Variants in GPHN observed in about 807,000 individuals in gnomAD.
The protein encoded by GPHN is gephyrin.
A neutral mutation model predicts 95.5 loss-of-function variants in GPHN; 17 were observed. The ratio of observed to expected loss-of-function variants is 0.18; its 90% CI spans 0.12 to 0.27. The LOEUF (loss-of-function observed/expected upper bound fraction) is 0.27, where lower values mean the gene tolerates loss of function less well. GPHN is among the 10% of genes least tolerant of loss of function. The pLI, the probability that GPHN is intolerant of heterozygous loss-of-function variation, is 1.00. For missense variants in GPHN, 660 were observed against 978.1 expected (o/e 0.67, Z 4.34); for synonymous variants, 320 against 322.5 (o/e 0.99, Z 0.08).
intron 2 of GPHN, among the ~76,000 whole-genome samples, chr14:66,746,248 C>A (rs1301696305): frequency 6.6e-6 from 1 of 152,076 alleles, no homozygotes; most frequent in Non-Finnish European, 1.5e-5. Context: ...TTATAAAAAC[C>A]CGCCAAACTG....
intron 1 of GPHN, among the ~76,000 whole-genome samples, chr14:66,677,430 A>G (rs1218982344): frequency 6.6e-6 from 1 of 152,058 alleles, no homozygotes; most frequent in Non-Finnish European, 1.5e-5. Context: ...TTCTCAGTAC[A>G]CTATAAGTTT....
At chr14:67,370,318 GC>G in the GPHN span, among the ~76,000 whole-genome samples, 1 of 152,218 alleles carries the variant, frequency 6.6e-6, no homozygotes, top group Non-Finnish European at 1.5e-5. Context: ...ATTTTAGGGG[GC>G]TTTCTCCCAA....
the GPHN span, chr14:67,392,608 G>A: frequency 6.6e-6 from 10 of 1,514,330 alleles, no homozygotes; most frequent in Non-Finnish European, 9.1e-6. Context: ...CCATTCTGTT[G>A]TGTCTTCCTT....
chr14:66,544,596 T>A (rs530376946), intron 1 of GPHN, among the ~76,000 whole-genome samples: 2,412 of 151,628 alleles, frequency 0.016, 27 homozygotes, highest in Non-Finnish European at 0.022. Context: ...TTTTTTAATT[T>A]ATTTATTTTT....
intron 18 of GPHN, among the ~76,000 whole-genome samples, chr14:67,156,914 G>A (rs376510233): frequency 2.0e-4 from 30 of 151,604 alleles, no homozygotes; most frequent in African/African-American, 6.0e-4. Context: ...GGTTGCCAAC[G>A]TGAGCCGAGA....
At chr14:66,785,251 C>T (rs1199837463) in intron 3 of GPHN, among the ~76,000 whole-genome samples, 1 of 152,096 alleles carries the variant, frequency 6.6e-6, no homozygotes, top group African/African-American at 2.4e-5. Flanking sequence ...CTGTAGTCCC[C>T]ACGACTCAGG....
Position 67,026,607 on chromosome 14 carries a change from A to T in GPHN, c.1006+2932A>T, listed in dbSNP as rs908742167. 4.8e-4 allele frequency among the ~76,000 whole-genome samples: 73 copies of T among 152,140 alleles called. 1 individual carries two copies. The highest frequency in any genetic ancestry group is 1.7e-3 in the African/African-American group (72 of 41,434). On this transcript the variant is annotated intron_variant, in intron 10 of 22. Coordinates refer to ENST00000478722, the MANE Select transcript of GPHN (RefSeq NM_020806.5). ...GTATATGAGTTGAAGCCAGTATTTC[A>T]GACCTTGATTTTATAGCCCACATTT...
chr14:66,525,930 G>C (rs28822755), intron 1 of GPHN, among the ~76,000 whole-genome samples: 4,423 of 152,020 alleles, frequency 0.029, 196 homozygotes, highest in African/African-American at 0.1. Context: ...GATGCCTCCA[G>C]CTTTGTTCTT....
chr14:67,562,779 C>A, the GPHN span: 17 of 1,613,626 alleles, frequency 1.1e-5, no homozygotes, highest in African/African-American at 2.1e-4. Flanking sequence ...GAGGAGCCAC[C>A]CCCAGCAGGG....
chr14:67,293,039 A>G, the GPHN span, among the ~76,000 whole-genome samples: 3 of 152,150 alleles, frequency 2.0e-5, no homozygotes, highest in South Asian at 6.2e-4. Context: ...TTTAAGCATT[A>G]TACATTATAA....
chr14:67,078,553 T>A (rs2076579683), intron 11 of GPHN, among the ~76,000 whole-genome samples: 1 of 152,148 alleles, frequency 6.6e-6, no homozygotes, highest in African/African-American at 2.4e-5. Context: ...AGGGAAGGGA[T>A]GGTTTCACAT....
the GPHN span, among the ~76,000 whole-genome samples, chr14:67,413,628 A>C: frequency 6.6e-6 from 1 of 152,178 alleles, no homozygotes; most frequent in African/African-American, 2.4e-5. Context: ...TGTAGTAGAC[A>C]TATTACATCC....
At chr14:66,953,149 C>A (rs921219819) in intron 8 of GPHN, among the ~76,000 whole-genome samples, 3 of 150,660 alleles carry the variant, frequency 2.0e-5, no homozygotes, top group Non-Finnish European at 4.4e-5. Context: ...TTTATTCACA[C>A]CTTTTGCCCA....
At chr14:67,269,482 T>G in the GPHN span, among the ~76,000 whole-genome samples, 1 of 152,134 alleles carries the variant, frequency 6.6e-6, no homozygotes, top group Non-Finnish European at 1.5e-5. Flanking sequence ...CCATTTGACA[T>G]TCCTAACAGC....
the GPHN span, among the ~76,000 whole-genome samples, chr14:67,686,963 G>A: frequency 0.011 from 1,684 of 152,230 alleles, 15 homozygotes; most frequent in Non-Finnish European, 0.019. Flanking sequence ...CTCCCTAGAT[G>A]ACCCATAGTA....
chr14:67,673,011 G>C, the GPHN span, among the ~76,000 whole-genome samples: 22 of 152,278 alleles, frequency 1.4e-4, no homozygotes, highest in African/African-American at 3.1e-4. Context: ...ACTTCTCCCT[G>C]ATTTCTGGTT....
the GPHN span, among the ~76,000 whole-genome samples, chr14:67,306,729 C>G: frequency 6.6e-6 from 1 of 152,130 alleles, no homozygotes; most frequent in Non-Finnish European, 1.5e-5. Context: ...CAAGTTTTGT[C>G]AGACCTAACT....
At chr14:66,925,133 A>T (rs1030423445) in intron 8 of GPHN, among the ~76,000 whole-genome samples, 8 of 152,132 alleles carry the variant, frequency 5.3e-5, no homozygotes, top group African/African-American at 1.9e-4. Flanking sequence ...CTTTTTAAAA[A>T]TTTTAATTTT....
intron 1 of GPHN, among the ~76,000 whole-genome samples, chr14:66,561,435 C>G (rs982571641): frequency 6.6e-6 from 1 of 152,096 alleles, no homozygotes; most frequent in Non-Finnish European, 1.5e-5. Flanking sequence ...TTGGTCTATT[C>G]TGTATTCTGT....
Sources: gnomAD v4.1 joint callset for allele counts (sites outside exome capture counted in the v4.1 genomes callset) on GRCh38, gnomAD v4.1.1 for gene constraint, MANE v1.5 for transcripts, NCBI Gene and HGNC (gene_info 2026-07-23, HGNC 2026-07-21) for gene names.